Variants in ARHGAP22 observed in about 807,000 individuals in gnomAD.
ARHGAP22 encodes rho GTPase-activating protein 22.
Under a neutral mutation model 59.1 loss-of-function variants are expected in ARHGAP22, and 48 were observed. That is an observed-to-expected ratio of 0.81 (90% CI 0.64 to 1.03). The LOEUF (loss-of-function observed/expected upper bound fraction) is 1.03. ARHGAP22 is among the 50% of genes least tolerant of loss of function. The pLI is 0.00. For missense variants in ARHGAP22, 1,015 were observed against 958.7 expected, an observed-to-expected ratio of 1.06 and a Z score of -0.78; for synonymous variants, 445 against 416.4, an observed-to-expected ratio of 1.07 and a Z score of -0.84.
chr10:48,459,536 G>C, intron 5 of ARHGAP22, 148 bp downstream of exon 5: 1 of 895,272 alleles, frequency 1.1e-6, no homozygotes, highest in Non-Finnish European at 1.8e-6. Context: ...GCGGAGTGAG[G>C]GTGTGCCCTA....
intron 3 of ARHGAP22, among the ~76,000 whole-genome samples, chr10:48,507,341 C>T (rs781755937): frequency 5.3e-5 from 8 of 152,214 alleles, no homozygotes; most frequent in African/African-American, 9.6e-5. Context: ...GGCTTGCTGA[C>T]TCTTACTTTG....
At chr10:48,460,602 T>C (rs1387790870) in intron 4 of ARHGAP22, among the ~76,000 whole-genome samples, 3 of 152,150 alleles carry the variant, frequency 2.0e-5, no homozygotes, top group African/African-American at 7.2e-5. Context: ...AAAACCAGAA[T>C]TACCAATAAT....
chr10:48,585,564 G>C (rs1344345211), intron 1 of ARHGAP22, among the ~76,000 whole-genome samples: 1 of 152,192 alleles, frequency 6.6e-6, no homozygotes, highest in Non-Finnish European at 1.5e-5. Context: ...TGCTCTGGAA[G>C]GGGTTGTCCC....
intron 1 of ARHGAP22, among the ~76,000 whole-genome samples, chr10:48,627,060 C>A (rs139454050): frequency 6.6e-6 from 1 of 152,116 alleles, no homozygotes. Flanking sequence ...AGGGAGCTTC[C>A]GGGTTGGTGA....
At chr10:48,526,844 A>C (rs1024873105) in intron 3 of ARHGAP22, among the ~76,000 whole-genome samples, 1 of 152,138 alleles carries the variant, frequency 6.6e-6, no homozygotes, top group Non-Finnish European at 1.5e-5. Context: ...TTAAATATCA[A>C]CTCCCAAGGC....
At chr10:48,591,343 C>T (rs1400843466) in intron 1 of ARHGAP22, among the ~76,000 whole-genome samples, 1 of 152,202 alleles carries the variant, frequency 6.6e-6, no homozygotes, top group Non-Finnish European at 1.5e-5. Flanking sequence ...CGCGAAGTCA[C>T]CCCGAGGCAC....
At chr10:48,593,781 A>G (rs1349558822) in intron 1 of ARHGAP22, among the ~76,000 whole-genome samples, 1 of 152,264 alleles carries the variant, frequency 6.6e-6, no homozygotes, top group Non-Finnish European at 1.5e-5. Flanking sequence ...TACTGTGGAT[A>G]TGGGGAACCA....
intron 4 of ARHGAP22, among the ~76,000 whole-genome samples, chr10:48,472,726 T>A (rs2048346045): frequency 6.6e-6 from 1 of 151,920 alleles, no homozygotes; most frequent in African/African-American, 2.4e-5. Context: ...CTAGCACACT[T>A]CCACTAGATG....
At chr10:48,609,123 C>T (rs1032513080), upstream of ARHGAP22, among the ~76,000 whole-genome samples, 6 of 152,176 alleles carry the variant, frequency 3.9e-5, no homozygotes, top group African/African-American at 1.4e-4. Flanking sequence ...TTTTCTTCTA[C>T]AGAGCTGGTT....
chr10:48,478,097 ACAT>A (rs1187233593), intron 4 of ARHGAP22, among the ~76,000 whole-genome samples: 1 of 152,158 alleles, frequency 6.6e-6, no homozygotes, highest in African/African-American at 2.4e-5. Flanking sequence ...CACCTGTCAT[ACAT>A]CAAAGTCCAA....
chr10:48,543,382 C>T (rs1590065718), intron 3 of ARHGAP22, among the ~76,000 whole-genome samples: 1 of 152,178 alleles, frequency 6.6e-6, no homozygotes, highest in South Asian at 2.1e-4. Flanking sequence ...ATTCACACCA[C>T]CCTGAGCACA....
At position 48,583,195 on chromosome 10, in the gene ARHGAP22, C is replaced by T. The variant is rs542895579; in HGVS notation, c.35-43G>A. The T allele has an allele frequency of 8.2e-6, 13 of 1,588,116 alleles. No individual in the cohort carries two copies. The South Asian group carries it at 1.5e-4, about 18-fold the overall frequency. On this transcript the variant is annotated intron_variant, in intron 1 of 9. Transcript: ENST00000249601. ...ACAGAGTGAGCATGAAGGCAGCGTGCCTGCTATCAGTCCTGCCCCCATCCT... is the reference window on the plus strand; with the variant it reads ...ACAGAGTGAGCATGAAGGCAGCGTGTCTGCTATCAGTCCTGCCCCCATCCT...
chr10:48,449,135 TGGTAA>T (rs2045646496), intron 9 of ARHGAP22, among the ~76,000 whole-genome samples: 4 of 152,312 alleles, frequency 2.6e-5, no homozygotes, highest in Admixed American at 2.0e-4. Context: ...GCCTTCTGTA[TGGTAA>T]GAGTTCCCAT....
intron 3 of ARHGAP22, among the ~76,000 whole-genome samples, chr10:48,541,558 C>T (rs2055935537): frequency 6.6e-6 from 1 of 152,218 alleles, no homozygotes; most frequent in Non-Finnish European, 1.5e-5. Context: ...AGCTAGCCCG[C>T]TGCAGGACAG....
At chr10:48,542,325 A>C (rs183699974) in intron 3 of ARHGAP22, among the ~76,000 whole-genome samples, 23 of 152,374 alleles carry the variant, frequency 1.5e-4, no homozygotes, top group Admixed American at 1.3e-4. Flanking sequence ...GCATGTGCTC[A>C]GTGACACCCT....
chr10:48,545,276 G>A (rs890057431), intron 3 of ARHGAP22, among the ~76,000 whole-genome samples: 1 of 152,162 alleles, frequency 6.6e-6, no homozygotes, highest in Non-Finnish European at 1.5e-5. Context: ...CGCTGCTCTA[G>A]GACACGATTT....
intron 2 of ARHGAP22, among the ~76,000 whole-genome samples, chr10:48,568,399 G>C (rs900124023): frequency 6.6e-6 from 1 of 152,214 alleles, no homozygotes; most frequent in Non-Finnish European, 1.5e-5. Flanking sequence ...GGACCATATG[G>C]TAGGCCTCTT....
upstream of ARHGAP22, chr10:48,605,160 G>A: frequency 1.3e-5 from 15 of 1,152,114 alleles, no homozygotes; most frequent in Non-Finnish European, 1.6e-5. Flanking sequence ...GGGCCGAGAG[G>A]GGCGGGGCCA....
At chr10:48,558,364 G>C (rs1202812035) in intron 2 of ARHGAP22, among the ~76,000 whole-genome samples, 1 of 149,218 alleles carries the variant, frequency 6.7e-6, no homozygotes, top group African/African-American at 2.5e-5. Flanking sequence ...TTTTTGTTTT[G>C]TTTTGTTTTG....
Sources: allele counts gnomAD v4.1 joint callset (sites outside exome capture counted in the v4.1 genomes callset), GRCh38; gene constraint gnomAD v4.1.1; transcripts MANE v1.5; gene names NCBI Gene and HGNC (gene_info 2026-07-23, HGNC 2026-07-21).